Variants in TBX1 observed in about 807,000 individuals in gnomAD.
The protein encoded by TBX1 is T-box transcription factor TBX1.
In TBX1, 16 loss-of-function variants were observed where a neutral mutation model predicts 40.8. The observed-to-expected ratio is 0.39, with a 90% confidence interval of 0.27 to 0.60. The LOEUF (loss-of-function observed/expected upper bound fraction) is 0.60, where lower values mean the gene tolerates loss of function less well. TBX1 is among the 20% of genes least tolerant of loss of function. The probability of loss-of-function intolerance (pLI) is 0.51; values close to 1 mark genes in which losing one functional copy is unlikely to be tolerated. For missense variants in TBX1, 755 were observed against 728.5 expected, an observed-to-expected ratio of 1.04 and a Z score of -0.42; for synonymous variants, 403 against 336.8, an observed-to-expected ratio of 1.20 and a Z score of -2.15.
rs1489648151 is a variant in TBX1, at chr22:19,761,176, G to A, written c.333G>A (p.Lys111=). The change falls in exon 1 of 7, where the codon AAG becomes AAA. Residue 111 remains lysine, a synonymous_variant. Transcript: ENST00000649276. ...CGGCCGCAGCCAAGGCGCCGGTGAA[G>A]AAGAACGCGAAGGTGGCCGGTGTGA... ...SCAAAAKAPV[K]KNAKVAGVSV... is the part of the protein sequence containing the mutation. 1.3e-6 allele frequency: 2 copies of A among 1,532,080 alleles called. No homozygotes were observed. The highest frequency in any genetic ancestry group is 1.8e-6 in the Non-Finnish European group (2 of 1,136,696). 94.9% of individuals were successfully genotyped at this position (1,532,080 alleles called of 1,614,324 possible).
Position 19,766,773 on chromosome 22 carries a change from C to T in TBX1, c.1421C>T (p.Ala474Val), listed in dbSNP as rs757452865. Residue 474 changes from alanine to valine, a missense_variant, in exon 7 of 7, where the codon GCC becomes GTC. Transcript: ENST00000649276. ...HHHPVSPAAA[A>V]AAAAAAAAAA... ...CACCCCGTGAGTCCAGCCGCCGCGG[C>T]CGCCGCCGCCGCTGCCGCAGCTGCC... The T allele has an allele frequency of 6.2e-6, 9 of 1,458,754 alleles. No homozygotes were observed. In the Admixed American group the frequency reaches 2.2e-4, roughly 36 times the overall value. 90.4% of individuals were successfully genotyped at this position (1,458,754 alleles called of 1,614,324 possible). A position where few individuals can be genotyped will look rare whatever the true frequency, so the allele number is the denominator to read the frequency against.
At chr22:19,761,411 C>T in intron 1 of TBX1, 131 bp downstream of exon 1, 1 of 1,229,150 alleles carries the variant, frequency 8.1e-7, no homozygotes, top group Non-Finnish European at 1.0e-6. Context: ...GCGGGCCCCT[C>T]TGGGCCCCGC....
upstream of TBX1, chr22:19,759,489 C>A (rs1222554500): frequency 1.4e-6 from 2 of 1,454,850 alleles, no homozygotes; most frequent in Non-Finnish European, 1.8e-6. Flanking sequence ...GGCCGCCGGG[C>A]GCCTATGGAC....
chr22:19,767,299 G>A lies in TBX1; in HGVS notation c.*432G>A. 1.0e-6 allele frequency: 1 copy of A among 992,800 alleles called. No homozygotes were observed. Among genetic ancestry groups the A allele is most frequent in the Non-Finnish European group, 1.2e-6 (1 of 834,970 alleles). 61.5% of individuals were successfully genotyped at this position (992,800 alleles called of 1,614,324 possible). ...TGTAGATACTGTAGATACCGCCCCG[G>A]CGCCGACTTGATAAACGGTTTCGCC... On this transcript the variant is annotated 3_prime_UTR_variant, in exon 7 of 7. Transcript: ENST00000649276.
chr22:19,766,274 G>A, intron 6 of TBX1, 115 bp from the exon 7 acceptor site: 2 of 1,188,256 alleles, frequency 1.7e-6, no homozygotes, highest in Non-Finnish European at 2.1e-6. Context: ...GCACCGACTG[G>A]TCGGGGAACA....
chr22:19,775,284 G>A (rs921016017), intron 8 of TBX1, among the ~76,000 whole-genome samples: 3 of 151,102 alleles, frequency 2.0e-5, no homozygotes, highest in Admixed American at 6.6e-5. Context: ...TAGTAGAGAC[G>A]GGGTTTCACC....
chr22:19,766,185 C>A, intron 6 of TBX1, 183 bp downstream of exon 6: 1 of 826,716 alleles, frequency 1.2e-6, no homozygotes, highest in Non-Finnish European at 1.5e-6. Context: ...GCCCCGCCCG[C>A]CGCCGCCGCC....
intron 6 of TBX1, 96 bp from the exon 7 acceptor site, chr22:19,766,293 G>C: frequency 8.3e-7 from 1 of 1,202,986 alleles, no homozygotes; most frequent in Non-Finnish European, 1.0e-6. Context: ...CACCGAGGGC[G>C]GCCAAGAGCC....
At chr22:19,768,953 C>CTTGTTTTTTTTTTTTTT (rs1936939445), downstream of TBX1, among the ~76,000 whole-genome samples, 1 of 66,108 alleles carries the variant, frequency 1.5e-5, no homozygotes, top group Non-Finnish European at 3.0e-5. Flanking sequence ...TGTTCGCATT[C>CTTGTTTTTTTTTTTTTT]TTTTTTTTTT....
In TBX1 at chr22:19,766,765, C is replaced by T. The variant is rs573376280; in HGVS notation, c.1413C>T (p.Ala471=). The T allele has an allele frequency of 6.8e-7, 1 of 1,470,018 alleles. No individual in the cohort carries two copies. The highest frequency in any genetic ancestry group is 1.5e-5 in the African/African-American group (1 of 66,944). 91.1% of individuals were successfully genotyped at this position (1,470,018 alleles called of 1,614,324 possible). The part of the protein sequence containing the change: ...PHHHHHPVSP[A]AAAAAAAAAA... ...ACCACCACCACCCCGTGAGTCCAGC[C>T]GCCGCGGCCGCCGCCGCCGCTGCCG... Residue 471 remains alanine, a synonymous_variant, in exon 7 of 7, where the codon GCC becomes GCT. Coordinates refer to ENST00000649276, the MANE Select transcript of TBX1 (RefSeq NM_001379200.1).
intron 8 of TBX1, among the ~76,000 whole-genome samples, chr22:19,777,605 T>A (rs576361329): frequency 6.6e-6 from 1 of 152,276 alleles, no homozygotes; most frequent in Non-Finnish European, 1.5e-5. Flanking sequence ...TCTACTCTTA[T>A]AAAGAGCGTG....
At chr22:19,758,907 G>T (rs570526602), upstream of TBX1, among the ~76,000 whole-genome samples, 2 of 152,316 alleles carry the variant, frequency 1.3e-5, no homozygotes, top group South Asian at 4.1e-4. Context: ...GTCCTGCTGC[G>T]CCAAGGAACA....
chr22:19,774,404 T>G (rs916145870), intron 8 of TBX1, among the ~76,000 whole-genome samples: 1 of 152,124 alleles, frequency 6.6e-6, no homozygotes, highest in African/African-American at 2.4e-5. Context: ...CAGAGCAATA[T>G]CTTGTCTCTA....
chr22:19,762,623 C>T (rs1936705741), intron 1 of TBX1, among the ~76,000 whole-genome samples: 1 of 152,080 alleles, frequency 6.6e-6, no homozygotes, highest in African/African-American at 2.4e-5. Context: ...GGTTATGTGT[C>T]TTAAGGGGAG....
intron 1 of TBX1, among the ~76,000 whole-genome samples, chr22:19,762,006 C>G (rs1444533206): frequency 6.6e-6 from 1 of 152,272 alleles, no homozygotes; most frequent in African/African-American, 2.4e-5. Context: ...ATGTACACAC[C>G]AGCTCGGAGT....
At chr22:19,765,156 G>A in intron 4 of TBX1, 43 bp downstream of exon 4, 5 of 1,613,666 alleles carry the variant, frequency 3.1e-6, no homozygotes, top group Non-Finnish European at 3.4e-6. Context: ...CAACGCCTCT[G>A]GAAAAGCGGG....
chr22:19,757,169 A>G (rs5993824), upstream of TBX1, among the ~76,000 whole-genome samples: 152,259 of 152,260 alleles, frequency 1, 76,129 homozygotes, highest in Middle Eastern at 1. Flanking sequence ...GTCGGCCAAC[A>G]GAGCCGGCTG....
At chr22:19,760,575 G>GGCGCCGCGTCGCCCGGC, upstream of TBX1, among the ~76,000 whole-genome samples, 1 of 138,498 alleles carries the variant, frequency 7.2e-6, no homozygotes, top group Non-Finnish European at 1.6e-5. Context: ...GGGGGCCCCG[G>GGCGCCGCGTCGCCCGGC]GCCGAGCGAG....
upstream of TBX1, among the ~76,000 whole-genome samples, chr22:19,759,928 G>A (rs1449646633): frequency 1.3e-5 from 2 of 152,244 alleles, no homozygotes; most frequent in Non-Finnish European, 1.5e-5. Context: ...GTGAGGCTGG[G>A]AAGGAGAGCA....
Sources: gnomAD v4.1 joint callset for allele counts (sites outside exome capture counted in the v4.1 genomes callset) on GRCh38, gnomAD v4.1.1 for gene constraint, MANE v1.5 for transcripts, NCBI Gene and HGNC (gene_info 2026-07-23, HGNC 2026-07-21) for gene names.